The following FN1 variants were observed in gnomAD, a reference collection of about 807,000 sequenced individuals.
FN1 encodes the protein fibronectin.
FN1 carries 106 observed loss-of-function variants against 297.3 expected under a neutral mutation model. The observed-to-expected ratio is 0.36, with a 90% CI of 0.30 to 0.42. The LOEUF (loss-of-function observed/expected upper bound fraction) is 0.42, where lower values mean the gene tolerates loss of function less well. FN1 is among the 10% of genes least tolerant of loss of function. The pLI, the probability that FN1 is intolerant of heterozygous loss-of-function variation, is 1.00. For missense variants in FN1, 2,690 were observed against 3,124.9 expected, an observed-to-expected ratio of 0.86 and a Z score of 3.32; for synonymous variants, 1,149 against 1,152.6, an observed-to-expected ratio of 1.00 and a Z score of 0.06.
chr2:215,375,091 G>C (rs2057025478), intron 38 of FN1, 123 bp downstream of exon 38: 1 of 1,001,106 alleles, frequency 1.0e-6, no homozygotes, highest in Non-Finnish European at 1.6e-6. Context: ...TGCTTTTTGA[G>C]GTTATCAGGA....
At chr2:215,363,791 T>C (rs150638821) in intron 44 of FN1, among the ~76,000 whole-genome samples, 4 of 152,350 alleles carry the variant, frequency 2.6e-5, no homozygotes, top group African/African-American at 4.8e-5. Context: ...ATTTTGAAAT[T>C]TGAAATCATA....
Position 215,428,174 on chromosome 2 carries a change from C to T in FN1, c.844+6G>A. On this transcript the variant is annotated splice_donor_region_variant and intron_variant, in intron 6 of 45. Coordinates refer to ENST00000354785, the MANE Select transcript of FN1 (RefSeq NM_212482.4). ...ATTTCCCGCCCCTGCTCGTCCTGTG[C>T]CTCACCGCTCGATGTGGTCTGCACA... 1.9e-6 allele frequency: 3 copies of T among 1,613,902 alleles called. No individual in the cohort carries two copies. Among genetic ancestry groups the T allele is most frequent in the Non-Finnish European group, 1.7e-6 (2 of 1,180,026 alleles).
rs1453022927 is a variant in FN1 at position 215,381,017 on chromosome 2, C to A, written c.5228G>T (p.Trp1743Leu). Residue 1743 changes from tryptophan (W) to leucine (L), a missense_variant, in exon 33 of 46, where the codon TGG (tryptophan) becomes TTG (leucine). Trp to Leu is a moderately conservative substitution (Grantham distance 61). Around this residue, in one of 3 missense-constraint regions of FN1, gnomAD observed 1,743 missense variants for 1,945.2 expected, o/e 0.90. Transcript: ENST00000354785. ...DVDVDSIKIAWESPQGQVSRY... is the reference protein window; with the variant it reads ...DVDVDSIKIALESPQGQVSRY... ...GGAAACTTGCCCCTGTGGGCTTTCC[C>A]AAGCAATTTTGATGGAATCGACATC... The A allele has an allele frequency of 6.2e-7, 1 of 1,614,212 alleles. No individual in the cohort carries two copies. The highest frequency in any genetic ancestry group is 1.7e-5 in the Admixed American group (1 of 60,032).
chr2:215,433,244 A>G, intron 3 of FN1, 80 bp downstream of exon 3: 2 of 1,564,238 alleles, frequency 1.3e-6, no homozygotes, highest in South Asian at 2.2e-5. Context: ...CCAGTCATGG[A>G]TAACAGAAAA....
rs2065106348 is a variant in FN1 at position 215,425,136 on chromosome 2, G to A, written c.994C>T (p.Leu332Phe). 6.2e-7 allele frequency: 1 copy of A among 1,614,056 alleles called. No individual in the cohort carries two copies. The highest frequency in any genetic ancestry group is 1.3e-5 in the African/African-American group (1 of 74,914). Residue 332 changes from leucine to phenylalanine, a missense_variant, in exon 7 of 46, where the codon CTT (leucine) becomes TTT (phenylalanine). By Grantham distance (22) the Leu-to-Phe change is conservative. This residue lies in a region of FN1 where 876 missense variants were observed against 1,058.1 expected (regional missense o/e 0.83). Transcript: ENST00000354785. ...WLKTQGNKQM[L>F]CTCLGNGVSC... ...ACTCCGTTGCCCAGGCACGTGCAAA[G>A]CATTTGCTTATTTCCTTGTGTCTTC...
rs569772090 is a variant in FN1 at position 215,392,710 on chromosome 2, C to G, written c.4069+221G>C. The G allele has an allele frequency of 2.7e-5, 16 of 587,360 alleles. No homozygotes were observed. In the African/African-American group the frequency reaches 3.0e-4, roughly 11 times the overall value. 36.4% of individuals were successfully genotyped at this position (587,360 alleles called of 1,614,324 possible). A position where few individuals can be genotyped will look rare whatever the true frequency, so the allele number is the denominator to read the frequency against. On this transcript the variant is annotated intron_variant, in intron 25 of 45. Transcript: ENST00000354785. ...CATCTGTATTTCTCTAGCTTTATAT[C>G]TACTTGTGGTTTAAATGAGAGTGTA... is the stretch of plus-strand genomic sequence containing the variant.
At chr2:215,423,230 G>A (rs2064756922) in intron 9 of FN1, 120 bp downstream of exon 9, 1 of 964,932 alleles carries the variant, frequency 1.0e-6, no homozygotes, top group Non-Finnish European at 1.6e-6. Flanking sequence ...TTCACATGAA[G>A]TTTTCTGTTG....
chr2:215,379,555 A>G (rs2057905688), intron 33 of FN1: 1 of 455,000 alleles, frequency 2.2e-6, no homozygotes, highest in East Asian at 3.7e-5. Flanking sequence ...ATTTGGGTAA[A>G]TGCCAAAACT....
intron 2 of FN1, among the ~76,000 whole-genome samples, chr2:215,434,484 ACT>A (rs1447770800): frequency 1.3e-5 from 2 of 152,136 alleles, no homozygotes; most frequent in African/African-American, 4.8e-5. Flanking sequence ...CAAAAAGAAG[ACT>A]CTAGGAACTA....
Position 215,372,302 on chromosome 2 carries a change from T to C in FN1, c.6321A>G (p.Thr2107=). ...HGPEILDVPS[T]VQKTPFVTHP... is the part of the protein sequence containing the mutation. ...GGGTGACGAAAGGGGTCTTTTGAAC[T>C]GTGGAAGGAACATCCAAGATCTCTG... Residue 2107 remains threonine (T), a synonymous_variant, in exon 40 of 46, where the codon ACA becomes ACG. Coordinates refer to ENST00000354785, the MANE Select transcript of FN1 (RefSeq NM_212482.4). 2 of 1,614,166 alleles carry C rather than the reference T, an allele frequency of 1.2e-6. No homozygotes were observed. The highest frequency in any genetic ancestry group is 2.2e-5 in the East Asian group (1 of 44,882).
chr2:215,378,947 A>G (rs2057777310), intron 34 of FN1, among the ~76,000 whole-genome samples, 183 bp downstream of exon 34: 1 of 152,216 alleles, frequency 6.6e-6, no homozygotes, highest in Non-Finnish European at 1.5e-5. Context: ...TTCTGTCCCA[A>G]TAGTCATCTG....
At chr2:215,418,484 C>T (rs76491043) in intron 12 of FN1, among the ~76,000 whole-genome samples, 2,320 of 152,276 alleles carry the variant, frequency 0.015, 58 homozygotes, top group African/African-American at 0.053. Context: ...TTCAGTCAAA[C>T]GTTAGTGAAG....
chr2:215,410,172 T>C (rs1181064146), intron 13 of FN1, 58 bp from the exon 14 acceptor site: 3 of 1,503,992 alleles, frequency 2.0e-6, no homozygotes, highest in Admixed American at 3.9e-5. Flanking sequence ...AGGATGAACA[T>C]TTGAAGATGA....
At chr2:215,368,917 T>C (rs147393366) in intron 41 of FN1, among the ~76,000 whole-genome samples, 1 of 152,272 alleles carries the variant, frequency 6.6e-6, no homozygotes, top group Non-Finnish European at 1.5e-5. Flanking sequence ...TGACTTAAAA[T>C]CCCACTGTGT....
Position 215,384,059 on chromosome 2 carries a change from G to T in FN1, c.4855C>A (p.Pro1619Thr). Reference protein sequence around the residue: ...VYAVTGRGDSPASSKPISINY... With the variant: ...VYAVTGRGDSTASSKPISINY... ...ATGGAAATTGGCTTGCTGCTTGCGG[G>T]GCTGTCTCCACGGCCAGTGACAGCA... is the stretch of plus-strand genomic sequence containing the variant. The change falls in exon 30 of 46, where the codon CCC (proline) becomes ACC (threonine). Residue 1619 changes from proline to threonine, a missense_variant. Physicochemically the swap from Pro to Thr is conservative, Grantham distance 38. This residue lies in a region of FN1 where 1,743 missense variants were observed against 1,945.2 expected (regional missense o/e 0.90). Transcript: ENST00000354785. 6.2e-7 allele frequency: 1 copy of T among 1,614,034 alleles called. No individual in the cohort carries two copies. Among genetic ancestry groups the T allele is most frequent in the South Asian group, 1.1e-5 (1 of 91,070 alleles).
chr2:215,406,584 A>G, intron 18 of FN1, 74 bp from the exon 19 acceptor site: 1 of 1,492,380 alleles, frequency 6.7e-7, no homozygotes, highest in Non-Finnish European at 9.2e-7. Flanking sequence ...TTTCTTGGAT[A>G]TGTTAGGCAG....
intron 28 of FN1, among the ~76,000 whole-genome samples, chr2:215,385,191 G>A (rs1313125216): frequency 1.3e-5 from 2 of 150,820 alleles, no homozygotes; most frequent in Non-Finnish European, 2.9e-5. Context: ...CAAATTTGGG[G>A]AAGAGTTTTT....
At chr2:215,408,495 A>G (rs1364611809) in intron 15 of FN1, 69 bp from the exon 16 acceptor site, 10 of 1,479,066 alleles carry the variant, frequency 6.8e-6, no homozygotes, top group Non-Finnish European at 6.6e-6. Context: ...ACAGCTTATA[A>G]GAAGGATATT....
intron 23 of FN1, among the ~76,000 whole-genome samples, chr2:215,395,981 A>G (rs2060265852): frequency 6.6e-6 from 1 of 152,252 alleles, no homozygotes; most frequent in Non-Finnish European, 1.5e-5. Context: ...GTTTCCGCAG[A>G]TAATGAAAAC....
Sources: allele counts gnomAD v4.1 joint callset (sites outside exome capture counted in the v4.1 genomes callset), GRCh38; gene constraint gnomAD v4.1.1; regional missense constraint gnomAD v4.1.1; transcripts MANE v1.5; gene names NCBI Gene and HGNC (gene_info 2026-07-23, HGNC 2026-07-21).